The following NELL1 variants were observed in gnomAD, a reference collection of about 807,000 sequenced individuals.
NELL1 encodes neural EGFL like 1.
In NELL1, 76 loss-of-function variants were observed where a neutral mutation model predicts 107.4. That is an observed-to-expected ratio of 0.71 (90% CI 0.59 to 0.86). The LOEUF (loss-of-function observed/expected upper bound fraction) is 0.86. NELL1 is among the 40% of genes least tolerant of loss of function. The pLI is 0.00. For synonymous variants in NELL1, 353 were observed against 341.2 expected (o/e 1.03, Z -0.38); for missense variants, 1,024 against 1,005.5 (o/e 1.02, Z -0.25).
intron 14 of NELL1, among the ~76,000 whole-genome samples, chr11:21,270,651 C>G (rs1343394825): frequency 6.6e-6 from 1 of 152,086 alleles, no homozygotes; most frequent in African/African-American, 2.4e-5. Flanking sequence ...AAGGACATAG[C>G]AATAATACCA....
intron 2 of NELL1, among the ~76,000 whole-genome samples, chr11:20,710,346 AT>A (rs1444191170): frequency 6.6e-6 from 1 of 152,160 alleles, no homozygotes; most frequent in Non-Finnish European, 1.5e-5. Flanking sequence ...GATGTAGCAC[AT>A]TTGTTGACTT....
chr11:20,877,597 G>A (rs1442531735), intron 4 of NELL1, among the ~76,000 whole-genome samples: 2 of 152,198 alleles, frequency 1.3e-5, no homozygotes, highest in Admixed American at 1.3e-4. Flanking sequence ...GTTAGGGAGA[G>A]TGTTTTAAAC....
chr11:21,411,672 T>C (rs1008238415), intron 15 of NELL1, among the ~76,000 whole-genome samples: 6 of 152,060 alleles, frequency 3.9e-5, no homozygotes, highest in Admixed American at 2.0e-4. Flanking sequence ...AAGAGAAAAT[T>C]AATGCAAGCA....
intron 13 of NELL1, among the ~76,000 whole-genome samples, chr11:21,173,577 G>T (rs182496516): frequency 6.6e-6 from 1 of 151,938 alleles, no homozygotes; most frequent in Admixed American, 6.5e-5. Context: ...TAGTTCAACA[G>T]TTATTTGAGA....
chr11:20,973,759 T>G (rs1851549181), intron 12 of NELL1, among the ~76,000 whole-genome samples: 1 of 152,246 alleles, frequency 6.6e-6, no homozygotes, highest in Non-Finnish European at 1.5e-5. Context: ...GAAAGCCCAG[T>G]GCTAGCTAAC....
chr11:21,507,529 A>C (rs945644453), intron 15 of NELL1, among the ~76,000 whole-genome samples: 4 of 152,218 alleles, frequency 2.6e-5, no homozygotes, highest in Admixed American at 2.6e-4. Context: ...TCAAATAGAT[A>C]CTTCAGTAAT....
At chr11:21,232,159 A>ATATATATATATATATATAT (rs1270859097) in intron 14 of NELL1, among the ~76,000 whole-genome samples, 41 of 73,174 alleles carry the variant, frequency 5.6e-4, no homozygotes, top group African/African-American at 2.0e-3. Flanking sequence ...AAAAAAAAAA[A>ATATATATATATATATATAT]ATATATATAT....
chr11:21,333,811 C>A (rs1355389214), intron 14 of NELL1, among the ~76,000 whole-genome samples: 1 of 151,994 alleles, frequency 6.6e-6, no homozygotes, highest in African/African-American at 2.4e-5. Flanking sequence ...TATGTTTAAA[C>A]CAGGTCACAC....
intron 12 of NELL1, among the ~76,000 whole-genome samples, chr11:21,101,990 T>G (rs1434537886): frequency 6.6e-6 from 1 of 152,132 alleles, no homozygotes; most frequent in Non-Finnish European, 1.5e-5. Context: ...GTGGCTGGGA[T>G]TACAGGTGCT....
chr11:20,704,584 A>G (rs1362267956), intron 2 of NELL1, among the ~76,000 whole-genome samples: 1 of 152,130 alleles, frequency 6.6e-6, no homozygotes, highest in Non-Finnish European at 1.5e-5. Context: ...TAGTTGATGC[A>G]GTTTCTTCCT....
At chr11:21,271,726 C>G in intron 14 of NELL1, among the ~76,000 whole-genome samples, 1 of 152,086 alleles carries the variant, frequency 6.6e-6, no homozygotes, top group East Asian at 1.9e-4. Flanking sequence ...AAATTCTCAA[C>G]AAAATATTAG....
intron 14 of NELL1, among the ~76,000 whole-genome samples, chr11:21,356,093 T>G (rs987982041): frequency 2.6e-5 from 4 of 152,172 alleles, no homozygotes; most frequent in African/African-American, 7.2e-5. Flanking sequence ...CCACACTGTG[T>G]CTGCTTTTTC....
intron 15 of NELL1, among the ~76,000 whole-genome samples, chr11:21,467,698 A>G (rs1258309778): frequency 1.3e-5 from 2 of 152,052 alleles, no homozygotes; most frequent in Non-Finnish European, 1.5e-5. Flanking sequence ...TTATGTATAT[A>G]GGAAGTTTAT....
chr11:21,419,373 T>C (rs529231632), intron 15 of NELL1, among the ~76,000 whole-genome samples: 1 of 152,184 alleles, frequency 6.6e-6, no homozygotes. Flanking sequence ...TCAGTTATTA[T>C]GGAAACCGTC....
chr11:21,310,832 A>G, intron 14 of NELL1, among the ~76,000 whole-genome samples: 1 of 152,200 alleles, frequency 6.6e-6, no homozygotes, highest in East Asian at 1.9e-4. Context: ...TCAGAAGGTA[A>G]TGTGGGCTAG....
intron 13 of NELL1, among the ~76,000 whole-genome samples, chr11:21,143,088 A>G (rs937475914): frequency 9.9e-5 from 15 of 152,170 alleles, no homozygotes; most frequent in African/African-American, 3.4e-4. Flanking sequence ...TTAAGGAGTG[A>G]CTGTATGCAC....
chr11:21,197,493 AGCC>A (rs1421583170), intron 13 of NELL1, among the ~76,000 whole-genome samples: 2 of 151,770 alleles, frequency 1.3e-5, no homozygotes, highest in African/African-American at 4.8e-5. Context: ...GCTGTTAGAC[AGCC>A]TCAGCCAGAG....
chr11:21,082,006 C>T (rs1303878339), intron 12 of NELL1, among the ~76,000 whole-genome samples: 1 of 152,156 alleles, frequency 6.6e-6, no homozygotes, highest in Admixed American at 6.6e-5. Flanking sequence ...ACGCCATACT[C>T]TCTCACAAAA....
At chr11:20,976,892 A>C (rs1391642284) in intron 12 of NELL1, among the ~76,000 whole-genome samples, 1 of 152,096 alleles carries the variant, frequency 6.6e-6, no homozygotes, top group Non-Finnish European at 1.5e-5. Context: ...TGTTTTCTTT[A>C]ACGCAAACTC....
Sources: allele counts gnomAD v4.1 joint callset (sites outside exome capture counted in the v4.1 genomes callset), GRCh38; gene constraint gnomAD v4.1.1; transcripts MANE v1.5; gene names NCBI Gene and HGNC (gene_info 2026-07-23, HGNC 2026-07-21).